Variants in FBXL13 observed in about 807,000 individuals in gnomAD.
FBXL13 encodes the protein F-box and leucine-rich repeat protein 13.
FBXL13 carries 67 observed loss-of-function variants against 83.6 expected under a neutral mutation model. The observed-to-expected ratio is 0.80, with a 90% confidence interval of 0.66 to 0.98. FBXL13 has a LOEUF of 0.98. FBXL13 is among the 50% of genes least tolerant of loss of function. The pLI is 0.00. For missense variants in FBXL13, 822 were observed against 866.5 expected (o/e 0.95, Z 0.64); for synonymous variants, 272 against 299.5 (o/e 0.91, Z 0.95).
At chr7:102,942,435 G>C in intron 8 of FBXL13, 2 of 1,156,154 alleles carry the variant, frequency 1.7e-6, no homozygotes, top group Non-Finnish European at 2.4e-6. Flanking sequence ...AAAAGAGAAA[G>C]AAGATACCCT....
chr7:102,981,046 G>C (rs1487990085), intron 6 of FBXL13, among the ~76,000 whole-genome samples: 2 of 152,136 alleles, frequency 1.3e-5, no homozygotes, highest in Non-Finnish European at 2.9e-5. Flanking sequence ...GCCTTGGAAA[G>C]GTATTATGTT....
chr7:102,979,653 T>C (rs1827948070), intron 6 of FBXL13, among the ~76,000 whole-genome samples: 1 of 152,252 alleles, frequency 6.6e-6, no homozygotes, highest in Non-Finnish European at 1.5e-5. Context: ...TTGTATGTTA[T>C]GTTTTATTTC....
chr7:103,002,117 T>C (rs774195288), intron 6 of FBXL13, among the ~76,000 whole-genome samples: 4 of 152,164 alleles, frequency 2.6e-5, no homozygotes, highest in African/African-American at 4.8e-5. Context: ...TCTGAATACT[T>C]ACTTTTCTCT....
intron 8 of FBXL13, among the ~76,000 whole-genome samples, chr7:102,960,376 T>C (rs944569827): frequency 6.6e-6 from 1 of 152,066 alleles, no homozygotes; most frequent in African/African-American, 2.4e-5. Flanking sequence ...CAGGACCAGA[T>C]GGATTCACAG....
At chr7:102,919,052 CACTGG>C (rs112630543) in intron 10 of FBXL13, among the ~76,000 whole-genome samples, 77 of 152,316 alleles carry the variant, frequency 5.1e-4, no homozygotes, top group African/African-American at 1.8e-3. Context: ...CCACAGTGGT[CACTGG>C]AGCCAGCTTG....
At chr7:103,045,818 C>T (rs560079879) in intron 2 of FBXL13, among the ~76,000 whole-genome samples, 1 of 152,166 alleles carries the variant, frequency 6.6e-6, no homozygotes, top group Non-Finnish European at 1.5e-5. Context: ...GAAAGTGTGA[C>T]CAAAACTTAG....
chr7:102,933,340 G>A (rs1819597547), intron 8 of FBXL13: 1 of 152,068 alleles, frequency 6.6e-6, no homozygotes, highest in Admixed American at 6.5e-5. Context: ...TGCATCTCAA[G>A]GCTGTGTTCT....
At chr7:102,970,946 T>C (rs983827202) in intron 6 of FBXL13, among the ~76,000 whole-genome samples, 2 of 152,070 alleles carry the variant, frequency 1.3e-5, no homozygotes, top group Admixed American at 1.3e-4. Context: ...AGAGACACAT[T>C]ACATAACATG....
chr7:102,865,963 C>T (rs1279125120), intron 16 of FBXL13, among the ~76,000 whole-genome samples: 1 of 152,170 alleles, frequency 6.6e-6, no homozygotes, highest in South Asian at 2.1e-4. Context: ...TACTAGTCTT[C>T]TCAATTATTT....
rs117396661 is a variant in FBXL13, at chr7:102,991,491, T to C, written c.496-23374A>G. On this transcript the variant is annotated intron_variant, in intron 6 of 19. Transcript: ENST00000313221. ...GAGAAAAATAGAATACTTAGCAGCA[T>C]TGAGAAATGATTTATAGGAAAGGAG... is the stretch of plus-strand genomic sequence containing the variant. 1.2e-4 allele frequency among the ~76,000 whole-genome samples: 18 copies of C among 152,232 alleles called. No individual in the cohort carries two copies. In the East Asian group the frequency reaches 2.7e-3, roughly 23 times the overall value.
At position 102,833,196 on chromosome 7, in the gene FBXL13, G is replaced by C. The variant is rs183073284; in HGVS notation, c.1720-222C>G. ...ACAGCTTAGTGATATTCAAATGCCT[G>C]CTAACAAAATTTGGTTTTCTTGAAG... On this transcript the variant is annotated intron_variant, in intron 17 of 19. Coordinates refer to ENST00000313221, the Ensembl canonical transcript of FBXL13. 1.5e-3 allele frequency among the ~76,000 whole-genome samples: 228 copies of C among 152,268 alleles called. 1 individual carries two copies. Among genetic ancestry groups the C allele is most frequent in the Non-Finnish European group, 1.2e-3 (84 of 68,016 alleles).
chr7:103,066,946 C>G (rs534920438), intron 1 of FBXL13, among the ~76,000 whole-genome samples: 101 of 152,186 alleles, frequency 6.6e-4, no homozygotes, highest in Non-Finnish European at 1.0e-3. Flanking sequence ...CATGCGCCAC[C>G]ACGCCCAGCT....
chr7:103,028,660 G>T (rs754713987), exon 4 of FBXL13: 2 of 1,601,854 alleles, frequency 1.2e-6, no homozygotes, highest in Non-Finnish European at 1.7e-6. Context: ...ACAGATTTTT[G>T]AAGTCTGAAA....
At chr7:103,008,191 A>G (rs1791186146) in intron 6 of FBXL13, among the ~76,000 whole-genome samples, 2 of 152,242 alleles carry the variant, frequency 1.3e-5, no homozygotes, top group African/African-American at 4.8e-5. Flanking sequence ...ATTGAGAGAC[A>G]TTCTACAATA....
intron 15 of FBXL13, 60 bp from the exon 17 acceptor site, chr7:102,877,653 C>A: frequency 6.5e-7 from 1 of 1,530,850 alleles, no homozygotes; most frequent in African/African-American, 1.4e-5. Flanking sequence ...TAAGCAATTT[C>A]TTCATATAAA....
intron 1 of FBXL13, among the ~76,000 whole-genome samples, chr7:103,067,506 G>A (rs1798514288): frequency 6.6e-6 from 1 of 152,220 alleles, no homozygotes; most frequent in Admixed American, 6.5e-5. Context: ...CTGGGGCTAG[G>A]TTATAAAAGG....
At chr7:102,832,688 A>G (rs10487282) in intron 18 of FBXL13, 152 bp downstream of exon 19, 1 of 905,158 alleles carries the variant, frequency 1.1e-6, no homozygotes, top group East Asian at 2.8e-5. Flanking sequence ...ATCATAAGCT[A>G]TTTCCAATTT....
At position 103,066,967 on chromosome 7, in the gene FBXL13, T is replaced by C. The variant is rs190994908; in HGVS notation, c.-105+7279A>G. 6.7e-3 allele frequency among the ~76,000 whole-genome samples: 1,018 copies of C among 152,186 alleles called. 11 individuals are homozygous for C. The highest frequency in any genetic ancestry group is 0.017 in the South Asian group (84 of 4,818). On this transcript the variant is annotated intron_variant, in intron 1 of 19. Transcript: ENST00000313221. The stretch of plus-strand genomic sequence containing the variant: ...CCACCACGCCCAGCTAATTTTGTAT[T>C]TTTAGTGATCTTTCTCCATGTTGGT...
intron 8 of FBXL13, chr7:102,934,053 G>A: frequency 8.1e-6 from 13 of 1,614,126 alleles, no homozygotes; most frequent in South Asian, 1.1e-5. Context: ...CCGGTCAAAC[G>A]CTACGCACCA....
Sources: allele counts gnomAD v4.1 joint callset (sites outside exome capture counted in the v4.1 genomes callset), GRCh38; gene constraint gnomAD v4.1.1; transcripts MANE v1.5; gene names NCBI Gene and HGNC (gene_info 2026-07-23, HGNC 2026-07-21).